The following PRKG2 variants were observed in gnomAD, a reference collection of about 807,000 sequenced individuals.
The protein encoded by PRKG2 is cGMP-dependent protein kinase 2.
Under a neutral mutation model 97.2 loss-of-function variants are expected in PRKG2, and 33 were observed. That is an observed-to-expected ratio of 0.34 (90% CI 0.26 to 0.45). The LOEUF (loss-of-function observed/expected upper bound fraction) is 0.45. Among genes scored for constraint, PRKG2 ranks in the 20% least tolerant of loss-of-function variants. PRKG2 has a pLI of 1.00. For synonymous variants in PRKG2, 330 were observed against 321.8 expected, an observed-to-expected ratio of 1.03 and a Z score of -0.27; for missense variants, 638 against 900.0, an observed-to-expected ratio of 0.71 and a Z score of 3.73.
chr4:81,140,704 C>T, intron 11 of PRKG2, 35 bp from the exon 12 acceptor site: 1 of 1,557,402 alleles, frequency 6.4e-7, no homozygotes, highest in Non-Finnish European at 8.8e-7. Context: ...TCAAAATTAA[C>T]TTATATCTAT....
chr4:81,114,294 CA>C (rs1227636964), intron 14 of PRKG2, among the ~76,000 whole-genome samples: 1 of 148,918 alleles, frequency 6.7e-6, no homozygotes, highest in Non-Finnish European at 1.5e-5. Context: ...ATAGCATTTG[CA>C]ACACAGATGT....
At chr4:81,103,048 C>G (rs994193804) in intron 17 of PRKG2, among the ~76,000 whole-genome samples, 1 of 152,086 alleles carries the variant, frequency 6.6e-6, no homozygotes, top group African/African-American at 2.4e-5. Context: ...GAATCATGAG[C>G]AAAATGAAAA....
chr4:81,173,404 A>G, intron 3 of PRKG2, among the ~76,000 whole-genome samples: 1 of 152,124 alleles, frequency 6.6e-6, no homozygotes, highest in Non-Finnish European at 1.5e-5. Context: ...AGATAGGCTT[A>G]CATCAGTTTC....
rs968105709 is a variant in PRKG2 at position 81,135,272 on chromosome 4, G to C, written c.1659C>G (p.Ser553=). The change falls in exon 14 of 19, where the codon TCC becomes TCG. Residue 553 remains serine, a synonymous_variant. Transcript: ENST00000264399. The part of the protein sequence containing the change: ...RDRGSFDEPT[S]KFCVACVTEA... The stretch of plus-strand genomic sequence containing the variant: ...CTGTCACACAAGCAACGCAGAATTT[G>C]GAGGTGGGTTCATCAAAGCTGCCTC... 14 of 1,612,656 alleles carry C rather than the reference G, an allele frequency of 8.7e-6. No individual in the cohort carries two copies. In the African/African-American group the frequency reaches 1.6e-4, roughly 18 times the overall value.
intron 2 of PRKG2, among the ~76,000 whole-genome samples, chr4:81,191,765 AGAAAAC>A (rs1752543786): frequency 6.6e-6 from 1 of 152,204 alleles, no homozygotes; most frequent in Non-Finnish European, 1.5e-5. Context: ...ATCAAGGAAA[AGAAAAC>A]TAAAAGGACA....
At chr4:81,165,291 C>T (rs1749882158) in intron 6 of PRKG2, among the ~76,000 whole-genome samples, 1 of 152,084 alleles carries the variant, frequency 6.6e-6, no homozygotes. Context: ...TACATCAGAT[C>T]AATTACTTGG....
rs995123211 is a variant in PRKG2, at chr4:81,202,406, C to A, written c.461+2181G>T. On this transcript the variant is annotated intron_variant, in intron 2 of 18. Coordinates refer to ENST00000264399, the MANE Select transcript of PRKG2 (RefSeq NM_006259.3). ...ACTTTTTGCAAGGGAAACTGAGGTA[C>A]AAACCAGTCAACTAAAAAAGAATGT... Among the ~76,000 whole-genome samples the A allele has an allele frequency of 2.6e-5, 4 of 152,260 alleles. No homozygotes were observed. The South Asian group carries it at 6.2e-4, about 24-fold the overall frequency.
At chr4:81,165,459 A>C (rs79697729) in intron 6 of PRKG2, among the ~76,000 whole-genome samples, 16,579 of 152,188 alleles carry the variant, frequency 0.11, 1,098 homozygotes, top group Middle Eastern at 0.21. Flanking sequence ...ACTGTCAAAA[A>C]TGATGCAGTA....
chr4:81,130,512 A>C (rs1364018526), intron 14 of PRKG2, among the ~76,000 whole-genome samples: 1 of 152,120 alleles, frequency 6.6e-6, no homozygotes. Context: ...GCAGAGCTCG[A>C]GCTCTGTTCT....
At chr4:81,114,589 T>G (rs2109989313) in intron 14 of PRKG2, among the ~76,000 whole-genome samples, 1 of 152,320 alleles carries the variant, frequency 6.6e-6, no homozygotes. Flanking sequence ...ACAAATATGG[T>G]TTGAGTTGGT....
intron 9 of PRKG2, among the ~76,000 whole-genome samples, chr4:81,146,259 G>A: frequency 6.6e-6 from 1 of 152,134 alleles, no homozygotes; most frequent in East Asian, 1.9e-4. Flanking sequence ...TAGGTCTCTA[G>A]AAATTCTCCA....
At position 81,171,801 on chromosome 4, in the gene PRKG2, C is replaced by A; in HGVS notation, c.632G>T (p.Gly211Val). Residue 211 changes from glycine to valine, a missense_variant, in exon 4 of 19, where the codon GGT (glycine) becomes GTT (valine). Physicochemically the swap from Gly to Val is moderately radical, Grantham distance 109. Coordinates refer to ENST00000264399, the MANE Select transcript of PRKG2 (RefSeq NM_006259.3). ...CTCCCCTTGGAACACCTCTAGTCGA[C>A]CCTCTATCAAGCAGAATTTTAAAAA... ...PGNHIFVLAE[G>V]RLEVFQGEKL... 3 of 1,598,376 alleles carry A rather than the reference C, an allele frequency of 1.9e-6. No individual in the cohort carries two copies. Among genetic ancestry groups the A allele is most frequent in the Non-Finnish European group, 1.7e-6 (2 of 1,172,706 alleles).
At chr4:81,196,734 C>A (rs1276341609) in intron 2 of PRKG2, among the ~76,000 whole-genome samples, 1 of 151,534 alleles carries the variant, frequency 6.6e-6, no homozygotes, top group Non-Finnish European at 1.5e-5. Flanking sequence ...ATAAAATATT[C>A]TCTGGCCATT....
In PRKG2 at chr4:81,142,945, C is replaced by T. The variant is rs767062078; in HGVS notation, c.1256G>A (p.Arg419Gln). ...NRDDEKRHAK[R>Q]SMSNWKLSKA... ...GGACAGCTTCCAGTTAGACATGGAC[C>T]GCCTGTACAAGAGAAGTGAAACTTT... Residue 419 changes from arginine to glutamine, a missense_variant and splice_region_variant, in exon 11 of 19, where the codon CGG becomes CAG. Arg to Gln is a conservative substitution (Grantham distance 43). Transcript: ENST00000264399. 9 of 1,604,966 alleles carry T rather than the reference C, an allele frequency of 5.6e-6. No homozygotes were observed. Among genetic ancestry groups the T allele is most frequent in the South Asian group, 3.3e-5 (3 of 89,584 alleles).
At chr4:81,142,972 C>T (rs778408709) in intron 10 of PRKG2, 25 bp from the exon 11 acceptor site, 11 of 1,563,466 alleles carry the variant, frequency 7.0e-6, no homozygotes, top group African/African-American at 2.7e-5. Context: ...TGAAACTTTA[C>T]ACACACACAC....
At chr4:81,190,984 G>A (rs768693306) in intron 2 of PRKG2, among the ~76,000 whole-genome samples, 1 of 152,136 alleles carries the variant, frequency 6.6e-6, no homozygotes, top group Non-Finnish European at 1.5e-5. Context: ...CACTGTTGGT[G>A]GGAGTGTAAA....
At chr4:81,131,778 A>G (rs1430463355) in intron 14 of PRKG2, among the ~76,000 whole-genome samples, 1 of 152,056 alleles carries the variant, frequency 6.6e-6, no homozygotes, top group African/African-American at 2.4e-5. Context: ...TTATTTCTGG[A>G]CTTTATTCTA....
At chr4:81,163,023 A>G (rs1749697216) in intron 6 of PRKG2, among the ~76,000 whole-genome samples, 1 of 152,136 alleles carries the variant, frequency 6.6e-6, no homozygotes, top group African/African-American at 2.4e-5. Context: ...TCAAAGGGGG[A>G]AAAGCTTGAA....
At chr4:81,115,934 C>G (rs1744469131) in intron 14 of PRKG2, among the ~76,000 whole-genome samples, 1 of 152,012 alleles carries the variant, frequency 6.6e-6, no homozygotes, top group African/African-American at 2.4e-5. Flanking sequence ...ATTTTTATGC[C>G]TATGTATCAA....
Sources: gnomAD v4.1 joint callset for allele counts (sites outside exome capture counted in the v4.1 genomes callset) on GRCh38, gnomAD v4.1.1 for gene constraint, MANE v1.5 for transcripts, NCBI Gene and HGNC (gene_info 2026-07-23, HGNC 2026-07-21) for gene names.